Variants in GALR1 observed in about 807,000 individuals in gnomAD.
The protein encoded by GALR1 is galanin receptor 1, also known as galanin receptor type 1.
A neutral mutation model predicts 17.9 loss-of-function variants in GALR1; 11 were observed. The observed-to-expected ratio is 0.62, with a 90% CI of 0.39 to 1.02. GALR1 has a LOEUF of 1.02. GALR1 is among the 50% of genes least tolerant of loss of function. The pLI, the probability that GALR1 is intolerant of heterozygous loss-of-function variation, is 0.01. For synonymous variants in GALR1, 206 were observed against 205.7 expected (o/e 1.00, Z -0.01); for missense variants, 441 against 456.9 (o/e 0.97, Z 0.32).
rs190237981 is a variant in GALR1, at chr18:77,257,892, C to T, written c.732+1669C>T. Among the ~76,000 whole-genome samples, 432 of 152,260 alleles carry T rather than the reference C, an allele frequency of 2.8e-3. 3 individuals carry two copies. The highest frequency in any genetic ancestry group is 0.01 in the African/African-American group (416 of 41,546). ...TCGTCAAACTTTAACTGAGAAGACA[C>T]CATTGATCTGTGATAAATGTGTGTT... On this transcript the variant is annotated intron_variant, in intron 2 of 2. Coordinates refer to ENST00000299727, the MANE Select transcript of GALR1 (RefSeq NM_001480.4).
chr18:77,269,138 G>T lies in GALR1; in HGVS notation c.*236G>T. On this transcript the variant is annotated 3_prime_UTR_variant, in exon 3 of 3. Coordinates refer to ENST00000299727, the MANE Select transcript of GALR1 (RefSeq NM_001480.4). ...TCTAAATTATGTTTCAGAAACAAAA[G>T]ACAATGCTGTACAGTTTTATTCCTC... 2.0e-6 allele frequency: 1 copy of T among 510,632 alleles called. No homozygotes were observed. Among genetic ancestry groups the T allele is most frequent in the Non-Finnish European group, 3.5e-6 (1 of 289,096 alleles). 31.6% of individuals were successfully genotyped at this position (510,632 alleles called of 1,614,324 possible).
In GALR1 at chr18:77,269,019, G is replaced by T; in HGVS notation, c.*117G>T. 1.3e-6 allele frequency: 1 copy of T among 795,708 alleles called. No homozygotes were observed. The highest frequency in any genetic ancestry group is 2.5e-5 in the East Asian group (1 of 39,322). The allele number at this position is 795,708 out of a possible 1,614,324, so 49.3% of individuals were successfully genotyped here. A position where few individuals can be genotyped will look rare whatever the true frequency, so the allele number is the denominator to read the frequency against. On this transcript the variant is annotated 3_prime_UTR_variant, in exon 3 of 3. Coordinates refer to ENST00000299727, the MANE Select transcript of GALR1 (RefSeq NM_001480.4). ...TGTTATCTTAACAAGAATTCAAGTCGTTTTAATTAAATCCCACGTGTGTTA... is the reference window on the plus strand; with the variant it reads ...TGTTATCTTAACAAGAATTCAAGTCTTTTTAATTAAATCCCACGTGTGTTA...
chr18:77,261,879 A>G (rs1912836839), intron 2 of GALR1, among the ~76,000 whole-genome samples: 1 of 152,190 alleles, frequency 6.6e-6, no homozygotes, highest in Non-Finnish European at 1.5e-5. Context: ...GCTGGGGTGC[A>G]GTGGTGTGAT....
Position 77,272,353 on chromosome 18 carries a change from A to T in GALR1, c.*3451A>T, listed in dbSNP as rs2144971626. ...AACTGAGACCCAAGATCTCAGCAGG[A>T]GAGGACAGCTTATCCAAGCATCCCT... On this transcript the variant is annotated 3_prime_UTR_variant, in exon 3 of 3. Coordinates refer to ENST00000299727, the MANE Select transcript of GALR1 (RefSeq NM_001480.4). 6.6e-6 allele frequency: 1 copy of T among 152,360 alleles called. No individual in the cohort carries two copies. Among genetic ancestry groups the T allele is most frequent in the East Asian group, 1.9e-4 (1 of 5,190 alleles). 9.4% of individuals were successfully genotyped at this position (152,360 alleles called of 1,614,324 possible).
intron 2 of GALR1, among the ~76,000 whole-genome samples, chr18:77,263,829 T>C (rs1323514755): frequency 6.6e-6 from 1 of 152,128 alleles, no homozygotes; most frequent in East Asian, 1.9e-4. Flanking sequence ...CTCCAGTTCA[T>C]GGGAAGTGAT....
Position 77,274,189 on chromosome 18 carries a change from A to AG in GALR1, c.*5287_*5288insG, listed in dbSNP as rs1439938185. On this transcript the variant is annotated 3_prime_UTR_variant, in exon 3 of 3. Transcript: ENST00000299727. ...GGCTAGATTGTCCAAAAACAAGCTC[A>AG]CTTGTTTTTGGGCAATCTAGCCAAG... 2 of 152,184 alleles carry AG rather than the reference A, an allele frequency of 1.3e-5. No homozygotes were observed. The highest frequency in any genetic ancestry group is 6.5e-5 in the Admixed American group (1 of 15,294). 9.4% of individuals were successfully genotyped at this position (152,184 alleles called of 1,614,324 possible).
At chr18:77,263,013 G>A (rs779205639) in intron 2 of GALR1, among the ~76,000 whole-genome samples, 1 of 152,206 alleles carries the variant, frequency 6.6e-6, no homozygotes, top group African/African-American at 2.4e-5. Flanking sequence ...TGTTGATAAG[G>A]CATAGATCTT....
At chr18:77,253,478 A>G (rs1228115365) in intron 1 of GALR1, among the ~76,000 whole-genome samples, 2 of 152,248 alleles carry the variant, frequency 1.3e-5, no homozygotes, top group African/African-American at 4.8e-5. Flanking sequence ...TTATTTCCCC[A>G]AAGCCTTCAG....
Position 77,251,035 on chromosome 18 carries a change from T to A in GALR1, c.487T>A (p.Ser163Thr). The A allele has an allele frequency of 6.2e-7, 1 of 1,606,160 alleles. No homozygotes were observed. The highest frequency in any genetic ancestry group is 8.5e-7 in the Non-Finnish European group (1 of 1,179,840). ...LLGVGCIWAL[S>T]IAMASPVAYH... Reference sequence around the variant, plus strand: ...GGGCGTGGGCTGCATCTGGGCGCTGTCCATTGCCATGGCCTCGCCCGTGGC... The same window carrying A: ...GGGCGTGGGCTGCATCTGGGCGCTGACCATTGCCATGGCCTCGCCCGTGGC... Residue 163 changes from serine to threonine, a missense_variant, in exon 1 of 3, where the codon TCC (serine) becomes ACC (threonine). Ser to Thr is a moderately conservative substitution (Grantham distance 58). Coordinates refer to ENST00000299727, the MANE Select transcript of GALR1 (RefSeq NM_001480.4).
rs76347172 is a variant in GALR1, at chr18:77,267,542, C to T, written c.733-1043C>T. Among the ~76,000 whole-genome samples the T allele has an allele frequency of 2.6e-3, 398 of 152,298 alleles. 4 individuals carry two copies. In the East Asian group the frequency reaches 0.061, roughly 23 times the overall value. ...TTCGATGGCTCTGTTGTGACCATCG[C>T]GGCACTAGAGGTTGTGTGTGGGTTT... On this transcript the variant is annotated intron_variant, in intron 2 of 2. Coordinates refer to ENST00000299727, the MANE Select transcript of GALR1 (RefSeq NM_001480.4).
intron 2 of GALR1, among the ~76,000 whole-genome samples, chr18:77,264,847 C>T (rs1045922779): frequency 1.3e-5 from 2 of 152,152 alleles, no homozygotes; most frequent in African/African-American, 4.8e-5. Flanking sequence ...ATGAGAATAG[C>T]ATGAAGGTAA....
Position 77,270,528 on chromosome 18 carries a change from ATGTGTGTGTGTGTGTG to A in GALR1, c.*1646_*1661del, listed in dbSNP as rs34420045. 7.7e-5 allele frequency: 11 copies of A among 143,206 alleles called. No individual in the cohort carries two copies. Among genetic ancestry groups the A allele is most frequent in the Non-Finnish European group, 1.7e-4 (11 of 65,564 alleles). The allele number at this position is 143,206 out of a possible 1,614,324, so 8.9% of individuals were successfully genotyped here. On this transcript the variant is annotated 3_prime_UTR_variant, in exon 3 of 3. Transcript: ENST00000299727. ...GACTCTGTCTAAAATATATATATAT[ATGTGTGTGTGTGTGTG>A]TGTGTGTGTGTGTGTGTGTAATGTA...
rs1372946109 is a variant in GALR1 at position 77,276,200 on chromosome 18, A to G, written c.*7298A>G. On this transcript the variant is annotated 3_prime_UTR_variant, in exon 3 of 3. Coordinates refer to ENST00000299727, the MANE Select transcript of GALR1 (RefSeq NM_001480.4). ...AATTTTCTTGGGTACAATTGAACAAATCTTTTAATCTCTTCAGTTCTATCT... is the reference window on the plus strand; with the variant it reads ...AATTTTCTTGGGTACAATTGAACAAGTCTTTTAATCTCTTCAGTTCTATCT... The G allele has an allele frequency of 6.6e-6, 1 of 152,212 alleles. No individual in the cohort carries two copies. Among genetic ancestry groups the G allele is most frequent in the African/African-American group, 2.4e-5 (1 of 41,450 alleles). 9.4% of individuals were successfully genotyped at this position (152,212 alleles called of 1,614,324 possible).
At chr18:77,254,529 T>G (rs765285366) in intron 1 of GALR1, among the ~76,000 whole-genome samples, 1 of 152,220 alleles carries the variant, frequency 6.6e-6, no homozygotes, top group Non-Finnish European at 1.5e-5. Context: ...CCCTCTTTGA[T>G]TTTGCTTGTG....
At chr18:77,267,782 G>T (rs1912974714) in intron 2 of GALR1, among the ~76,000 whole-genome samples, 1 of 152,232 alleles carries the variant, frequency 6.6e-6, no homozygotes, top group Non-Finnish European at 1.5e-5. Context: ...AGACGAGGTT[G>T]CCCTGAGGCT....
In GALR1 at chr18:77,271,552, A is replaced by C. The variant is rs1913065964; in HGVS notation, c.*2650A>C. On this transcript the variant is annotated 3_prime_UTR_variant, in exon 3 of 3. Coordinates refer to ENST00000299727, the MANE Select transcript of GALR1 (RefSeq NM_001480.4). ...CTTCCCAGCTAGATTTCCCCCTAAT[A>C]TACAATGACCAATTCTGAAGCACCT... 6.6e-6 allele frequency: 1 copy of C among 152,156 alleles called. No individual in the cohort carries two copies. The highest frequency in any genetic ancestry group is 2.4e-5 in the African/African-American group (1 of 41,444). 9.4% of individuals were successfully genotyped at this position (152,156 alleles called of 1,614,324 possible).
At chr18:77,260,392 C>T (rs571486522) in intron 2 of GALR1, among the ~76,000 whole-genome samples, 3 of 151,966 alleles carry the variant, frequency 2.0e-5, no homozygotes, top group Non-Finnish European at 4.4e-5. Flanking sequence ...TCTCTGTGTC[C>T]TCATAGGGTG....
At position 77,249,901 on chromosome 18, in the gene GALR1, C is replaced by T. The variant is rs1912350275; in HGVS notation, c.-648C>T. Among the ~76,000 whole-genome samples the T allele has an allele frequency of 6.6e-6, 1 of 152,266 alleles. No homozygotes were observed. The highest frequency in any genetic ancestry group is 2.4e-5 in the African/African-American group (1 of 41,472). On this transcript the variant is annotated 5_prime_UTR_variant, in exon 1 of 3. Transcript: ENST00000299727. ...GCCCCTGGCACCCGACTCTATCCACCACCAGGAAGCCTCCCAAAAGAGCTC... is the reference window on the plus strand; with the variant it reads ...GCCCCTGGCACCCGACTCTATCCACTACCAGGAAGCCTCCCAAAAGAGCTC...
chr18:77,251,294 G>A, intron 1 of GALR1, 80 bp downstream of exon 1: 1 of 1,513,602 alleles, frequency 6.6e-7, no homozygotes, highest in Non-Finnish European at 8.8e-7. Context: ...GTGTCCCGCG[G>A]CCCTGCCGGA....
Sources: gnomAD v4.1 joint callset for allele counts (sites outside exome capture counted in the v4.1 genomes callset) on GRCh38, gnomAD v4.1.1 for gene constraint, MANE v1.5 for transcripts, NCBI Gene and HGNC (gene_info 2026-07-23, HGNC 2026-07-21) for gene names.